The following DACH1 variants were observed in gnomAD, a reference collection of about 807,000 sequenced individuals.
DACH1 encodes the protein dachshund homolog 1.
DACH1 carries 12 observed loss-of-function variants against 54.2 expected under a neutral mutation model. The observed-to-expected ratio is 0.22, with a 90% confidence interval of 0.14 to 0.36. The LOEUF is 0.36. Ranked by LOEUF, DACH1 falls within the 10% of genes least tolerant of loss-of-function variation. DACH1 has a pLI of 1.00. For missense variants in DACH1, 805 were observed against 929.8 expected (o/e 0.87, Z 1.75); for synonymous variants, 386 against 366.2 (o/e 1.05, Z -0.62).
At chr13:71,476,476 T>G (rs1877531932) in intron 8 of DACH1, among the ~76,000 whole-genome samples, 1 of 152,230 alleles carries the variant, frequency 6.6e-6, no homozygotes, top group Admixed American at 6.5e-5. Flanking sequence ...GATGATTTCC[T>G]GAGAATATTT....
At chr13:71,572,311 A>C (rs760279666) in intron 4 of DACH1, among the ~76,000 whole-genome samples, 93 of 152,180 alleles carry the variant, frequency 6.1e-4, no homozygotes, top group Non-Finnish European at 1.0e-3. Flanking sequence ...TGCACATATG[A>C]AGTTTATATA....
chr13:71,541,774 G>A (rs1418238403), intron 6 of DACH1, among the ~76,000 whole-genome samples: 1 of 152,002 alleles, frequency 6.6e-6, no homozygotes, highest in African/African-American at 2.4e-5. Context: ...AATTTGCTTT[G>A]CAATTTATTT....
chr13:71,451,838 T>C (rs548609275), intron 10 of DACH1, among the ~76,000 whole-genome samples: 160 of 152,286 alleles, frequency 1.1e-3, no homozygotes, highest in African/African-American at 3.7e-3. Flanking sequence ...CAAAGTATTG[T>C]CAATGAAATA....
intron 8 of DACH1, among the ~76,000 whole-genome samples, chr13:71,476,951 C>T (rs934867527): frequency 1.3e-5 from 2 of 151,004 alleles, no homozygotes; most frequent in African/African-American, 4.9e-5. Context: ...TCCATATTTA[C>T]TGTTTGATTT....
intron 1 of DACH1, among the ~76,000 whole-genome samples, chr13:71,841,388 T>C (rs983905120): frequency 2.0e-5 from 3 of 151,758 alleles, no homozygotes; most frequent in African/African-American, 7.3e-5. Context: ...TGGCAAGAGG[T>C]TGATTAATGG....
intron 6 of DACH1, among the ~76,000 whole-genome samples, chr13:71,509,273 T>A (rs1009373734): frequency 7.9e-5 from 12 of 152,098 alleles, no homozygotes; most frequent in African/African-American, 2.9e-4. Flanking sequence ...CTGAGTCCAA[T>A]AATGAAATGT....
intron 10 of DACH1, among the ~76,000 whole-genome samples, chr13:71,449,586 A>C (rs1418706745): frequency 6.6e-6 from 1 of 151,944 alleles, no homozygotes; most frequent in Non-Finnish European, 1.5e-5. Flanking sequence ...CAGGGCTTAA[A>C]ACCTAGATGA....
intron 2 of DACH1, among the ~76,000 whole-genome samples, chr13:71,649,836 G>A (rs561436193): frequency 2.0e-5 from 3 of 152,026 alleles, no homozygotes; most frequent in Admixed American, 6.5e-5. Flanking sequence ...CGAGCAACAC[G>A]GATCTCACAA....
At chr13:71,861,907 CAAAA>C (rs71126514) in intron 1 of DACH1, among the ~76,000 whole-genome samples, 2 of 86,504 alleles carry the variant, frequency 2.3e-5, no homozygotes, top group East Asian at 3.0e-4. Context: ...AACTCCTAAC[CAAAA>C]AAAAAAAAAA....
chr13:71,725,203 A>G (rs1055808197), intron 1 of DACH1, among the ~76,000 whole-genome samples: 1 of 152,156 alleles, frequency 6.6e-6, no homozygotes, highest in Non-Finnish European at 1.5e-5. Context: ...GCGTCAAAAA[A>G]CCATGTTTCT....
intron 3 of DACH1, among the ~76,000 whole-genome samples, chr13:71,610,631 T>C (rs543835928): frequency 2.1e-3 from 314 of 152,254 alleles, no homozygotes; most frequent in African/African-American, 7.2e-3. Flanking sequence ...ATAATAATAA[T>C]TTCACCAGAA....
intron 1 of DACH1, among the ~76,000 whole-genome samples, chr13:71,817,740 A>C (rs1487040506): frequency 1.3e-5 from 2 of 152,060 alleles, no homozygotes; most frequent in Non-Finnish European, 2.9e-5. Flanking sequence ...TATATGATTA[A>C]AATTAATCTC....
intron 1 of DACH1, among the ~76,000 whole-genome samples, chr13:71,758,698 T>C (rs1885273728): frequency 6.6e-6 from 1 of 152,298 alleles, no homozygotes; most frequent in Admixed American, 6.5e-5. Flanking sequence ...AAATGCTTAA[T>C]GGGTCTGCCG....
chr13:71,690,180 A>C (rs947966144), intron 1 of DACH1, among the ~76,000 whole-genome samples: 2 of 152,220 alleles, frequency 1.3e-5, no homozygotes, highest in Non-Finnish European at 2.9e-5. Context: ...ACTCACAAAA[A>C]TACAGAGGAA....
At chr13:71,641,352 T>C (rs1877884654) in intron 2 of DACH1, among the ~76,000 whole-genome samples, 1 of 152,086 alleles carries the variant, frequency 6.6e-6, no homozygotes, top group Non-Finnish European at 1.5e-5. Flanking sequence ...ACAATATACA[T>C]GCAGAGTCAC....
At chr13:71,654,447 A>AGT (rs1257110204) in intron 2 of DACH1, among the ~76,000 whole-genome samples, 20 of 141,960 alleles carry the variant, frequency 1.4e-4, no homozygotes, top group South Asian at 8.7e-4. Flanking sequence ...AATAAAATAA[A>AGT]ATAAAATAAA....
intron 1 of DACH1, among the ~76,000 whole-genome samples, chr13:71,779,386 C>G (rs943788504): frequency 4.6e-5 from 7 of 150,864 alleles, no homozygotes; most frequent in Non-Finnish European, 8.9e-5. Flanking sequence ...CAAAACTTAA[C>G]TTCATTCACA....
chr13:71,857,498 T>C lies in DACH1; in HGVS notation c.848+8424A>G, dbSNP rs141273537. ...TGAATGTATTCCTACACAACACATA[T>C]ACATGTATGTAAAGGCTTTTCTACC... On this transcript the variant is annotated intron_variant, in intron 1 of 10. Coordinates refer to ENST00000613252, the MANE Select transcript of DACH1 (RefSeq NM_080759.6). 7.4e-3 allele frequency among the ~76,000 whole-genome samples: 1,128 copies of C among 151,788 alleles called. 7 individuals carry two copies. Among genetic ancestry groups the C allele is most frequent in the Middle Eastern group, 0.041 (12 of 294 alleles).
intron 2 of DACH1, among the ~76,000 whole-genome samples, chr13:71,677,368 A>G (rs1051916189): frequency 6.6e-6 from 1 of 152,186 alleles, no homozygotes; most frequent in African/African-American, 2.4e-5. Flanking sequence ...TCTGGTTGCT[A>G]TGGCATCCGG....
Sources: gnomAD v4.1 joint callset for allele counts (sites outside exome capture counted in the v4.1 genomes callset) on GRCh38, gnomAD v4.1.1 for gene constraint, MANE v1.5 for transcripts, NCBI Gene and HGNC (gene_info 2026-07-23, HGNC 2026-07-21) for gene names.